The following TSPEAR variants were observed in gnomAD, a reference collection of about 807,000 sequenced individuals.
The protein encoded by TSPEAR is thrombospondin-type laminin G domain and EAR repeat-containing protein.
In TSPEAR, 69 loss-of-function variants were observed where a neutral mutation model predicts 71.6. The ratio of observed to expected loss-of-function variants is 0.96; its 90% CI spans 0.79 to 1.18. TSPEAR has a LOEUF of 1.18. Ranked by LOEUF, TSPEAR falls within the 50% of genes most tolerant of loss-of-function variation. The pLI, the probability that TSPEAR is intolerant of heterozygous loss-of-function variation, is 0.00. For synonymous variants in TSPEAR, 402 were observed against 387.2 expected (o/e 1.04, Z -0.45); for missense variants, 971 against 894.9 (o/e 1.09, Z -1.09).
chr21:44,533,383 C>T (rs1473768369), intron 3 of TSPEAR, among the ~76,000 whole-genome samples: 3 of 152,042 alleles, frequency 2.0e-5, no homozygotes, highest in Admixed American at 6.5e-5. Flanking sequence ...ATGGCTCTTG[C>T]CCCCTGGTCG....
intron 1 of TSPEAR, among the ~76,000 whole-genome samples, chr21:44,604,612 T>C (rs1359164646): frequency 6.6e-6 from 1 of 152,248 alleles, no homozygotes; most frequent in African/African-American, 2.4e-5. Flanking sequence ...TGGCTAGAAC[T>C]TCCAGCACCA....
rs1555910932 is a variant in TSPEAR at position 44,499,934 on chromosome 21, C to T, written c.1859G>A (p.Trp620Ter). ...TFSVNSIIYR[W>*]QGYEGFVAVH... Reference sequence around the variant, plus strand: ...CGCCACGAAGCCCTCGTAGCCCTGCCACCTGCGGAACAGACAGCGGCAGCC... The same window carrying T: ...CGCCACGAAGCCCTCGTAGCCCTGCTACCTGCGGAACAGACAGCGGCAGCC... Residue 620 changes from tryptophan to a stop codon, truncating the protein, a stop_gained and splice_region_variant, in exon 12 of 12, where the codon TGG (tryptophan) becomes TAG (stop). Transcript: ENST00000323084. LOFTEE classifies it high-confidence loss of function. The T allele has an allele frequency of 2.5e-6, 4 of 1,604,990 alleles. No homozygotes were observed. The highest frequency in any genetic ancestry group is 2.7e-5 in the African/African-American group (2 of 74,362).
At chr21:44,703,145 C>T (rs1468760196) in intron 1 of TSPEAR, among the ~76,000 whole-genome samples, 1 of 152,224 alleles carries the variant, frequency 6.6e-6, no homozygotes, top group African/African-American at 2.4e-5. Flanking sequence ...CTGGCCTTCC[C>T]TGCCTCTGCG....
Position 44,711,358 on chromosome 21 carries a change from G to A in TSPEAR, c.82+75C>T, listed in dbSNP as rs1988210943. 1.2e-5 allele frequency: 16 copies of A among 1,351,666 alleles called. No homozygotes were observed. The East Asian group carries it at 3.8e-4, about 32-fold the overall frequency. 83.7% of individuals were successfully genotyped at this position (1,351,666 alleles called of 1,614,324 possible). On this transcript the variant is annotated intron_variant, in intron 1 of 11. Coordinates refer to ENST00000323084, the MANE Select transcript of TSPEAR (RefSeq NM_144991.3). This position sits in a 1 kb window ranked among gnomAD's most constrained non-coding sequence, Gnocchi z 4.5. ...GCGGCTTGAATCAGTGTTAGAAAGTGGCATTTGTGACTCGACACCCCTCCC... is the reference window on the plus strand; with the variant it reads ...GCGGCTTGAATCAGTGTTAGAAAGTAGCATTTGTGACTCGACACCCCTCCC...
At chr21:44,646,736 C>G in intron 1 of TSPEAR, 2 of 1,614,098 alleles carry the variant, frequency 1.2e-6, no homozygotes, top group Non-Finnish European at 8.5e-7. Context: ...TGCACCTCCT[C>G]CCCCTGCCAG....
At chr21:44,589,723 G>A (rs964778593) in intron 1 of TSPEAR, among the ~76,000 whole-genome samples, 3 of 152,224 alleles carry the variant, frequency 2.0e-5, no homozygotes, top group Admixed American at 6.5e-5. Flanking sequence ...TCGGACGAGG[G>A]CAGGTGGGGA....
chr21:44,507,840 C>T (rs587608757), intron 10 of TSPEAR, among the ~76,000 whole-genome samples: 18 of 152,380 alleles, frequency 1.2e-4, no homozygotes, highest in African/African-American at 3.6e-4. Context: ...ACCGCCGCCC[C>T]GTGCCTGTTT....
At chr21:44,663,344 A>C (rs1357656902) in intron 1 of TSPEAR, among the ~76,000 whole-genome samples, 1 of 152,156 alleles carries the variant, frequency 6.6e-6, no homozygotes, top group Non-Finnish European at 1.5e-5. Flanking sequence ...CATACCATTA[A>C]ATTTGATAAC....
intron 2 of TSPEAR, among the ~76,000 whole-genome samples, chr21:44,543,792 GC>G (rs1555917481): frequency 6.6e-6 from 1 of 152,220 alleles, no homozygotes; most frequent in Non-Finnish European, 1.5e-5. Flanking sequence ...AGAAAGCATT[GC>G]CCTGTGGAAA....
At chr21:44,500,067 T>A in intron 11 of TSPEAR, 131 bp from the exon 12 acceptor site, 1 of 893,644 alleles carries the variant, frequency 1.1e-6, no homozygotes, top group Non-Finnish European at 1.6e-6. Flanking sequence ...TCCCCCCGAC[T>A]GGCACAGCGT....
chr21:44,537,651 GC>G (rs1164329740), intron 2 of TSPEAR, among the ~76,000 whole-genome samples: 3 of 152,108 alleles, frequency 2.0e-5, no homozygotes, highest in African/African-American at 7.2e-5. Flanking sequence ...AGCAAATGGG[GC>G]AAAAAGTTAA....
intron 1 of TSPEAR, chr21:44,666,466 T>C (rs782665747): frequency 2.5e-6 from 4 of 1,591,120 alleles, no homozygotes; most frequent in East Asian, 2.2e-5. Flanking sequence ...GAAGAGATAC[T>C]GTAGGAGATG....
At chr21:44,558,664 G>T (rs782499877) in intron 2 of TSPEAR, 33 of 1,613,286 alleles carry the variant, frequency 2.0e-5, no homozygotes, top group Non-Finnish European at 2.6e-5. Flanking sequence ...GCGTCCACCT[G>T]CCAGGAGTCA....
intron 9 of TSPEAR, among the ~76,000 whole-genome samples, chr21:44,510,284 C>T (rs2052332061): frequency 6.6e-6 from 1 of 152,206 alleles, no homozygotes; most frequent in East Asian, 1.9e-4. Flanking sequence ...CCAGGCTGTC[C>T]TAGCTGAGGA....
At chr21:44,688,438 C>T (rs751409813) in intron 1 of TSPEAR, among the ~76,000 whole-genome samples, 4 of 151,974 alleles carry the variant, frequency 2.6e-5, no homozygotes, top group East Asian at 3.9e-4. Context: ...AGGAAAGAGA[C>T]GGCCGGGCGC....
chr21:44,566,438 C>T (rs2053704524), intron 2 of TSPEAR, among the ~76,000 whole-genome samples: 1 of 152,114 alleles, frequency 6.6e-6, no homozygotes, highest in Non-Finnish European at 1.5e-5. Context: ...TGACAATACT[C>T]CCCAAATTAA....
intron 1 of TSPEAR, among the ~76,000 whole-genome samples, chr21:44,587,541 T>C (rs1407741223): frequency 6.6e-6 from 1 of 152,092 alleles, no homozygotes; most frequent in Non-Finnish European, 1.5e-5. Context: ...CTATAATTCA[T>C]ATGGAACCAA....
chr21:44,619,438 C>T (rs1175492597), intron 1 of TSPEAR, among the ~76,000 whole-genome samples: 2 of 152,190 alleles, frequency 1.3e-5, no homozygotes, highest in Admixed American at 1.3e-4. Flanking sequence ...TCACCAGAGG[C>T]ATGTGCCATG....
In TSPEAR at chr21:44,592,042, G is replaced by C. The variant is rs782247922; in HGVS notation, c.83-24037C>G. 4 of 1,597,124 alleles carry C rather than the reference G, an allele frequency of 2.5e-6. No homozygotes were observed. The South Asian group carries it at 4.4e-5, about 18-fold the overall frequency. On this transcript the variant is annotated intron_variant, in intron 1 of 11. Coordinates refer to ENST00000323084, the MANE Select transcript of TSPEAR (RefSeq NM_144991.3). ...ACAGCAGGCCTGCTGGCAGGGGGAG[G>C]AGGTGCAGCAAGCTGACTGGCAGCT...
Sources: gnomAD v4.1 joint callset for allele counts (sites outside exome capture counted in the v4.1 genomes callset) on GRCh38, gnomAD v4.1.1 for gene constraint, Gnocchi (gnomAD v3.1) non-coding constraint, MANE v1.5 for transcripts, NCBI Gene and HGNC (gene_info 2026-07-23, HGNC 2026-07-21) for gene names.